Variants in SNW1 observed in about 807,000 individuals in gnomAD.
SNW1 encodes the protein SNW domain-containing protein 1.
A neutral mutation model predicts 75.6 loss-of-function variants in SNW1; 9 were observed. The observed-to-expected ratio is 0.12, with a 90% CI of 0.07 to 0.21. SNW1 has a LOEUF of 0.21. SNW1 is among the 10% of genes least tolerant of loss of function. SNW1 has a pLI of 1.00. For synonymous variants in SNW1, 200 were observed against 219.1 expected, an observed-to-expected ratio of 0.91 and a Z score of 0.77; for missense variants, 409 against 670.9, an observed-to-expected ratio of 0.61 and a Z score of 4.31.
intron 8 of SNW1, chr14:77,733,884 G>A (rs2080648276): frequency 1.4e-5 from 6 of 414,208 alleles, no homozygotes; most frequent in Admixed American, 2.8e-5. Flanking sequence ...TAACTTTCAG[G>A]CTTAGCTTTA....
chr14:77,722,297 A>G (rs1436268098), intron 11 of SNW1, among the ~76,000 whole-genome samples: 4 of 150,844 alleles, frequency 2.7e-5, no homozygotes, highest in African/African-American at 9.8e-5. Flanking sequence ...TTTGTTCTAT[A>G]CGTTTATACT....
chr14:77,736,086 T>C, intron 6 of SNW1, 80 bp from the exon 7 acceptor site: 1 of 1,034,222 alleles, frequency 9.7e-7, no homozygotes, highest in Non-Finnish European at 1.5e-6. Flanking sequence ...CTCCTTTTTC[T>C]TGCATAAAAG....
intron 3 of SNW1, among the ~76,000 whole-genome samples, chr14:77,746,293 G>A (rs1467627427): frequency 6.6e-6 from 1 of 152,220 alleles, no homozygotes; most frequent in Non-Finnish European, 1.5e-5. Flanking sequence ...GAATTTGTTT[G>A]TTCATGCCAG....
Position 77,720,370 on chromosome 14 carries a change from G to A in SNW1, c.1248+341C>T, listed in dbSNP as rs140822833. On this transcript the variant is annotated intron_variant, in intron 12 of 13. Transcript: ENST00000261531. ...GGCTGGTTGTGAACTCCTGACCTCA[G>A]GTGATCTGCCCGCTTCGGCCTCCAA... 8.2e-5 allele frequency: 51 copies of A among 620,766 alleles called. No homozygotes were observed. In the African/African-American group the frequency reaches 9.0e-4, roughly 11 times the overall value. 38.5% of individuals were successfully genotyped at this position (620,766 alleles called of 1,614,324 possible). A position where few individuals can be genotyped will look rare whatever the true frequency, so the allele number is the denominator to read the frequency against.
At chr14:77,723,598 C>A (rs1052005679) in intron 10 of SNW1, among the ~76,000 whole-genome samples, 4 of 152,126 alleles carry the variant, frequency 2.6e-5, no homozygotes, top group Non-Finnish European at 5.9e-5. Context: ...GATCTTCCCA[C>A]CTAGGCCTCC....
At chr14:77,724,775 T>C (rs2080571685) in intron 10 of SNW1, among the ~76,000 whole-genome samples, 1 of 152,226 alleles carries the variant, frequency 6.6e-6, no homozygotes, top group Non-Finnish European at 1.5e-5. Flanking sequence ...TGATTCCGTA[T>C]CTTGGTAACT....
At chr14:77,738,757 T>A (rs1194435692) in intron 5 of SNW1, 21 bp downstream of exon 5, 1 of 1,574,430 alleles carries the variant, frequency 6.4e-7, no homozygotes, top group Non-Finnish European at 8.7e-7. Flanking sequence ...TGAAACTAAG[T>A]CTTCTAGGCA....
chr14:77,736,588 G>A (rs2080674617), intron 6 of SNW1, among the ~76,000 whole-genome samples: 1 of 137,976 alleles, frequency 7.2e-6, no homozygotes, highest in African/African-American at 2.6e-5. Context: ...ACAAAAAAAG[G>A]CAGCTTTATT....
chr14:77,720,691 T>C lies in SNW1; in HGVS notation c.1248+20A>G, dbSNP rs879344559. 4.1e-6 allele frequency: 6 copies of C among 1,456,760 alleles called. No homozygotes were observed. The Admixed American group carries it at 8.4e-5, about 20-fold the overall frequency. The allele number at this position is 1,456,760 out of a possible 1,614,324, so 90.2% of individuals were successfully genotyped here. ...GGTATTCACATCAACACACACAATA[T>C]GCTGTTCCTAAACTTGTACCTTGGA... On this transcript the variant is annotated intron_variant, in intron 12 of 13. Transcript: ENST00000261531.
intron 5 of SNW1, among the ~76,000 whole-genome samples, chr14:77,738,305 C>G (rs917274131): frequency 1.3e-5 from 2 of 151,728 alleles, no homozygotes; most frequent in Non-Finnish European, 2.9e-5. Context: ...TGTCCCCCAC[C>G]CCAAAAAAAA....
Position 77,751,322 on chromosome 14 carries a change from G to A in SNW1, c.327C>T (p.Asp109=), listed in dbSNP as rs1377849785. ...AGGGAAAACATGAGAGGATTACCTT[G>A]TCTTTTGACTGTCCTTGTCGAGCAA... ...DAIARQGQSK[D]KVIYSKYTDL... The change falls in exon 3 of 14, where the codon GAC becomes GAT. Residue 109 remains aspartate (D), a synonymous_variant. Transcript: ENST00000261531. 1 of 1,610,140 alleles carries A rather than the reference G, an allele frequency of 6.2e-7. No homozygotes were observed. The highest frequency in any genetic ancestry group is 1.1e-5 in the South Asian group (1 of 90,030).
intron 11 of SNW1, among the ~76,000 whole-genome samples, chr14:77,721,549 T>TG (rs1265473328): frequency 6.6e-6 from 1 of 152,098 alleles, no homozygotes; most frequent in Non-Finnish European, 1.5e-5. Flanking sequence ...CATTGTAACT[T>TG]TTACAACTTA....
intron 5 of SNW1, 31 bp from the exon 6 acceptor site, chr14:77,737,106 A>C (rs2080679000): frequency 6.8e-7 from 1 of 1,479,198 alleles, no homozygotes; most frequent in Non-Finnish European, 9.4e-7. Context: ...CTAAAGGTGT[A>C]ATTAGTTCAA....
At chr14:77,725,865 A>C (rs773256775) in intron 10 of SNW1, among the ~76,000 whole-genome samples, 1 of 152,206 alleles carries the variant, frequency 6.6e-6, no homozygotes, top group Non-Finnish European at 1.5e-5. Flanking sequence ...GCAGTGAGCT[A>C]AGATTACACC....
chr14:77,744,446 CAAAAAAA>C (rs11335115), intron 3 of SNW1, among the ~76,000 whole-genome samples: 2 of 82,964 alleles, frequency 2.4e-5, no homozygotes, highest in South Asian at 8.6e-4. Context: ...GTCTCCATCT[CAAAAAAA>C]AAAAAAAAAA....
At chr14:77,721,920 G>T (rs1225949159) in intron 11 of SNW1, among the ~76,000 whole-genome samples, 1 of 151,904 alleles carries the variant, frequency 6.6e-6, no homozygotes, top group East Asian at 1.9e-4. Flanking sequence ...GCTAATTTTT[G>T]CATTTTTAGT....
At chr14:77,722,510 GCA>G in intron 11 of SNW1, 1 of 455,584 alleles carries the variant, frequency 2.2e-6, no homozygotes, top group Non-Finnish European at 4.4e-6. Flanking sequence ...GTCTAAAGAG[GCA>G]CATAATCCAT....
chr14:77,718,713 C>CT (rs372285276), intron 12 of SNW1, among the ~76,000 whole-genome samples, 183 bp from the exon 13 acceptor site: 1,425 of 138,330 alleles, frequency 0.01, 13 homozygotes, highest in African/African-American at 0.024. Flanking sequence ...ACTTTGGATT[C>CT]TTTTTTTTTT....
At chr14:77,730,448 A>G (rs1428358060) in intron 10 of SNW1, among the ~76,000 whole-genome samples, 1 of 152,218 alleles carries the variant, frequency 6.6e-6, no homozygotes, top group Admixed American at 6.5e-5. Context: ...GTAAGAATTT[A>G]GTAATGAAAA....
Sources: gnomAD v4.1 joint callset for allele counts (sites outside exome capture counted in the v4.1 genomes callset) on GRCh38, gnomAD v4.1.1 for gene constraint, MANE v1.5 for transcripts, NCBI Gene and HGNC (gene_info 2026-07-23, HGNC 2026-07-21) for gene names.